The following TMEM18 variants were observed in gnomAD, a reference collection of about 807,000 sequenced individuals.
TMEM18 encodes transmembrane protein 18.
Under a neutral mutation model 17.4 loss-of-function variants are expected in TMEM18, and 14 were observed. That is an observed-to-expected ratio of 0.80 (90% CI 0.53 to 1.25). The LOEUF (loss-of-function observed/expected upper bound fraction) is 1.25, where lower values mean the gene tolerates loss of function less well. TMEM18 is among the 50% of genes most tolerant of loss of function. The probability of loss-of-function intolerance (pLI) is 0.00; values close to 1 mark genes in which losing one functional copy is unlikely to be tolerated. For synonymous variants in TMEM18, 86 were observed against 66.1 expected, an observed-to-expected ratio of 1.30 and a Z score of -1.46; for missense variants, 187 against 172.1, an observed-to-expected ratio of 1.09 and a Z score of -0.48.
In TMEM18 at chr2:675,567, G is replaced by C; in HGVS notation, c.121C>G (p.Leu41Val). The C allele has an allele frequency of 1.2e-6, 2 of 1,614,266 alleles. No individual in the cohort carries two copies. The highest frequency in any genetic ancestry group is 1.7e-6 in the Non-Finnish European group (2 of 1,180,048). ...LATFHALCVLLTCLSSRSYRL... is the reference protein window; with the variant it reads ...LATFHALCVLVTCLSSRSYRL... Reference sequence around the variant, plus strand: ...TAGCTTCGGGAGGACAAGCAGGTGAGGAGCACGCAGAGCGCGTGGAAGGTG... The same window carrying C: ...TAGCTTCGGGAGGACAAGCAGGTGACGAGCACGCAGAGCGCGTGGAAGGTG... Residue 41 changes from leucine (L) to valine (V), a missense_variant, in exon 2 of 5, where the codon CTC (leucine) becomes GTC (valine). Transcript: ENST00000281017.
chr2:675,142 CTT>C (rs1384546812), intron 2 of TMEM18, among the ~76,000 whole-genome samples: 1 of 152,202 alleles, frequency 6.6e-6, no homozygotes, highest in East Asian at 1.9e-4. Context: ...ATGCACAGAA[CTT>C]TTCTTTCCCA....
chr2:666,450 G>A lies in TMEM18; in HGVS notation c.*3130C>T, dbSNP rs190397252. Among the ~76,000 whole-genome samples, 14 of 152,296 alleles carry A rather than the reference G, an allele frequency of 9.2e-5. 1 individual carries two copies. Among genetic ancestry groups the A allele is most frequent in the Admixed American group, 2.0e-4 (3 of 15,310 alleles). ...GAGGAAAGATCTAACTGTACAGGCC[G>A]CTGTGAAACTGGAACATCGGAGGAA... is the stretch of plus-strand genomic sequence containing the variant. On this transcript the variant is annotated 3_prime_UTR_variant, in exon 5 of 5. Coordinates refer to ENST00000281017, the MANE Select transcript of TMEM18 (RefSeq NM_152834.4).
chr2:664,981 T>C lies in TMEM18; in HGVS notation c.*4599A>G, dbSNP rs1678640671. Among the ~76,000 whole-genome samples the C allele has an allele frequency of 6.6e-6, 1 of 152,222 alleles. No individual in the cohort carries two copies. Among genetic ancestry groups the C allele is most frequent in the Non-Finnish European group, 1.5e-5 (1 of 68,038 alleles). ...AGGGACTACATTACTTTATAGAAGATAGACTTACAGAAAAAAGGGGCAGCA... is the reference window on the plus strand; with the variant it reads ...AGGGACTACATTACTTTATAGAAGACAGACTTACAGAAAAAAGGGGCAGCA... On this transcript the variant is annotated 3_prime_UTR_variant, in exon 5 of 5. Coordinates refer to ENST00000281017, the MANE Select transcript of TMEM18 (RefSeq NM_152834.4).
In TMEM18 at chr2:668,409, ATCATC is replaced by A. The variant is rs1678749485; in HGVS notation, c.*1166_*1170del. ...GCTACAGGGAGGACACATTACCTTA[ATCATC>A]TTTCTGTCCCACTTCTCAGCCACAA... On this transcript the variant is annotated 3_prime_UTR_variant, in exon 5 of 5. Transcript: ENST00000281017. 1 of 152,188 alleles carries A rather than the reference ATCATC, an allele frequency of 6.6e-6. No individual in the cohort carries two copies. Among genetic ancestry groups the A allele is most frequent in the Non-Finnish European group, 1.5e-5 (1 of 68,044 alleles). 9.4% of individuals were successfully genotyped at this position (152,188 alleles called of 1,614,324 possible). A position where few individuals can be genotyped will look rare whatever the true frequency, so the allele number is the denominator to read the frequency against.
intron 1 of TMEM18, chr2:676,445 A>C: frequency 8.8e-7 from 1 of 1,130,156 alleles, no homozygotes; most frequent in East Asian, 2.6e-5. Context: ...CCTGCCCTCC[A>C]AGCTGCAGCC....
At chr2:671,945 G>A (rs1310660300) in intron 3 of TMEM18, among the ~76,000 whole-genome samples, 1 of 152,172 alleles carries the variant, frequency 6.6e-6, no homozygotes, top group Non-Finnish European at 1.5e-5. Context: ...AGACAGTGCT[G>A]CAGGGACGCT....
At position 669,761 on chromosome 2, in the gene TMEM18, A is replaced by C. The variant is rs764080063; in HGVS notation, c.323T>G (p.Ile108Ser). The C allele has an allele frequency of 6.2e-7, 1 of 1,614,166 alleles. No individual in the cohort carries two copies. Residue 108 changes from isoleucine (I) to serine (S), a missense_variant, in exon 4 of 5, where the codon ATT becomes AGT. Transcript: ENST00000281017. ...SAPLLVNAMI[I>S]VVMWVWKTLN... ...CTGAAAGTGTCATCTACGTACCACA[A>C]TGATCATGGCATTCACCAGCAGTGG...
At position 677,368 on chromosome 2, in the gene TMEM18, C is replaced by G. The variant is rs1659292899; in HGVS notation, c.-23G>C. The G allele has an allele frequency of 2.5e-6, 4 of 1,605,970 alleles. No individual in the cohort carries two copies. The highest frequency in any genetic ancestry group is 2.2e-5 in the East Asian group (1 of 44,782). On this transcript the variant is annotated 5_prime_UTR_variant, in exon 1 of 5. Transcript: ENST00000281017. ...CATGGTGTTGGGAAGCCCGCTCTCA[C>G]AGCAACCGCCGAACCCGGCCTGGCC...
At chr2:676,407 C>T (rs1659220479) in intron 1 of TMEM18, 5 of 1,335,424 alleles carry the variant, frequency 3.7e-6, no homozygotes, top group African/African-American at 1.5e-5. Flanking sequence ...GCTGCAGCCC[C>T]GCCCTGCCCT....
chr2:672,930 T>G, intron 2 of TMEM18, 68 bp from the exon 3 acceptor site: 1 of 1,355,162 alleles, frequency 7.4e-7, no homozygotes, highest in Non-Finnish European at 1.0e-6. Context: ...AGTTATACAT[T>G]CTTTACAGCA....
intron 1 of TMEM18, chr2:676,886 C>G: frequency 1.7e-6 from 1 of 580,682 alleles, no homozygotes; most frequent in Non-Finnish European, 3.1e-6. Context: ...GCGCTCCGCC[C>G]ACACAACTCA....
Position 677,384 on chromosome 2 carries a change from C to A in TMEM18, c.-39G>T, listed in dbSNP as rs975317219. The A allele has an allele frequency of 1.9e-6, 3 of 1,604,140 alleles. No homozygotes were observed. In the East Asian group the frequency reaches 6.7e-5, roughly 36 times the overall value. The stretch of plus-strand genomic sequence containing the variant: ...CCGCTCTCACAGCAACCGCCGAACC[C>A]GGCCTGGCCAGAATCCACAGAGGAG... On this transcript the variant is annotated 5_prime_UTR_variant, in exon 1 of 5. Coordinates refer to ENST00000281017, the MANE Select transcript of TMEM18 (RefSeq NM_152834.4).
At chr2:671,895 C>T (rs902608366) in intron 3 of TMEM18, among the ~76,000 whole-genome samples, 2 of 152,108 alleles carry the variant, frequency 1.3e-5, no homozygotes, top group Admixed American at 6.5e-5. Context: ...CCCAGTGAGC[C>T]GCTTATGGCT....
At chr2:676,640 G>A in intron 1 of TMEM18, 1 of 1,550,020 alleles carries the variant, frequency 6.5e-7, no homozygotes, top group South Asian at 1.2e-5. Context: ...GAGTGCCCAT[G>A]TCACCCCTTG....
intron 1 of TMEM18, 120 bp from the exon 2 acceptor site, chr2:675,750 C>A: frequency 4.6e-6 from 7 of 1,537,020 alleles, no homozygotes; most frequent in Non-Finnish European, 6.1e-6. Flanking sequence ...TCCTCCTGGG[C>A]TACTCACCAA....
Position 669,636 on chromosome 2 carries a change from G to C in TMEM18, c.367C>G (p.Leu123Val). Reference protein sequence around the residue: ...VWKTLNVMTDLKNAQERRKEK... With the variant: ...VWKTLNVMTDVKNAQERRKEK... ...TTTCTTCTCTCTTGTGCATTCTTCA[G>C]GTCAGTCATCACATTCAAAGTCTTC... The change falls in exon 5 of 5, where the codon CTG becomes GTG. Residue 123 changes from leucine (L) to valine (V), a missense_variant. Transcript: ENST00000281017. 2 of 1,614,098 alleles carry C rather than the reference G, an allele frequency of 1.2e-6. No homozygotes were observed. The highest frequency in any genetic ancestry group is 1.7e-6 in the Non-Finnish European group (2 of 1,180,016).
rs1055780398 is a variant in TMEM18 at position 674,104 on chromosome 2, C to T, written c.179-1242G>A. On this transcript the variant is annotated intron_variant, in intron 2 of 4. Transcript: ENST00000281017. Reference sequence around the variant, plus strand: ...ATAAAAATGGGCAAATAAAATCCAACTCTTGGCTGGTTTGAGAAATGAATC... The same window carrying T: ...ATAAAAATGGGCAAATAAAATCCAATTCTTGGCTGGTTTGAGAAATGAATC... Among the ~76,000 whole-genome samples, 10 of 152,336 alleles carry T rather than the reference C, an allele frequency of 6.6e-5. No individual in the cohort carries two copies. In the East Asian group the frequency reaches 1.7e-3, roughly 26 times the overall value.
intron 2 of TMEM18, among the ~76,000 whole-genome samples, chr2:673,743 G>A (rs1042233947): frequency 1.4e-5 from 2 of 146,034 alleles, no homozygotes; most frequent in African/African-American, 2.5e-5. Context: ...GGGAGGAGGA[G>A]GAGGAGGAGG....
rs1179365886 is a variant in TMEM18, at chr2:668,831, G to C, written c.*749C>G. ...ATTAGGAAAGACACGCTTCTCCATG[G>C]AGTGTTGACTTCAGGGCTTCCATTC... On this transcript the variant is annotated 3_prime_UTR_variant, in exon 5 of 5. Transcript: ENST00000281017. The C allele has an allele frequency of 1.3e-5, 2 of 152,246 alleles. No individual in the cohort carries two copies. Among genetic ancestry groups the C allele is most frequent in the Non-Finnish European group, 2.9e-5 (2 of 68,060 alleles). The allele number at this position is 152,246 out of a possible 1,614,324, so 9.4% of individuals were successfully genotyped here.
Sources: allele counts gnomAD v4.1 joint callset (sites outside exome capture counted in the v4.1 genomes callset), GRCh38; gene constraint gnomAD v4.1.1; transcripts MANE v1.5; gene names NCBI Gene and HGNC (gene_info 2026-07-23, HGNC 2026-07-21).